Variants in PTPRG observed in about 807,000 individuals in gnomAD.
The protein encoded by PTPRG is receptor-type tyrosine-protein phosphatase gamma.
A neutral mutation model predicts 165.3 loss-of-function variants in PTPRG; 102 were observed. That is an observed-to-expected ratio of 0.62 (90% CI 0.53 to 0.73). The LOEUF (loss-of-function observed/expected upper bound fraction) is 0.73. Ranked by LOEUF, PTPRG falls within the 30% of genes least tolerant of loss-of-function variation. The pLI is 0.00. For missense variants in PTPRG, 1,866 were observed against 1,861.4 expected (o/e 1.00, Z -0.05); for synonymous variants, 675 against 669.5 (o/e 1.01, Z -0.13).
chr3:62,212,678 T>C (rs1700390387), intron 12 of PTPRG, among the ~76,000 whole-genome samples: 1 of 152,190 alleles, frequency 6.6e-6, no homozygotes, highest in Non-Finnish European at 1.5e-5. Context: ...TAGTGACGAC[T>C]GTGGCAAACC....
chr3:62,147,261 G>A (rs1034854248), intron 6 of PTPRG, among the ~76,000 whole-genome samples: 1 of 152,178 alleles, frequency 6.6e-6, no homozygotes, highest in African/African-American at 2.4e-5. Flanking sequence ...GAGTCTTGGG[G>A]TGCAGGTCAG....
intron 2 of PTPRG, among the ~76,000 whole-genome samples, chr3:61,887,155 TATATA>T (rs1559670206): frequency 3.4e-5 from 2 of 58,390 alleles, no homozygotes; most frequent in African/African-American, 7.6e-5. Flanking sequence ...TATATATATA[TATATA>T]TATATATATA....
In PTPRG at chr3:62,228,056, G is replaced by A. The variant is rs1700806121; in HGVS notation, c.2289-3169G>A. Among the ~76,000 whole-genome samples, 1 of 152,098 alleles carries A rather than the reference G, an allele frequency of 6.6e-6. No individual in the cohort carries two copies. The highest frequency in any genetic ancestry group is 1.5e-5 in the Non-Finnish European group (1 of 68,030). The stretch of plus-strand genomic sequence containing the variant: ...CTGCCCTCCCCGCTATTCCCTGCCT[G>A]TTTGGCCCCTGTGGGTGGTTGATTT... On this transcript the variant is annotated intron_variant, in intron 13 of 29. Coordinates refer to ENST00000474889, the MANE Select transcript of PTPRG (RefSeq NM_002841.4). This position sits in a 1 kb window ranked among gnomAD's most constrained non-coding sequence, Gnocchi z 4.1.
chr3:61,905,425 C>G (rs1193112693), intron 2 of PTPRG, among the ~76,000 whole-genome samples: 1 of 152,164 alleles, frequency 6.6e-6, no homozygotes, highest in Non-Finnish European at 1.5e-5. Context: ...CCCCTTCCAT[C>G]TTTTGACACT....
intron 9 of PTPRG, among the ~76,000 whole-genome samples, chr3:62,191,892 C>T (rs574909658): frequency 1.4e-3 from 213 of 152,328 alleles, no homozygotes; most frequent in African/African-American, 4.9e-3. Flanking sequence ...AGAGCCGGTT[C>T]ATTTCTTTAG....
rs532356516 is a variant in PTPRG, at chr3:61,866,582, C to CTTTTTTTTTTTTTTTTTTTTTTTTT, written c.190+117612_190+117636dup. 1.0e-4 allele frequency among the ~76,000 whole-genome samples: 7 copies of CTTTTTTTTTTTTTTTTTTTTTTTTT among 69,066 alleles called. 1 individual carries two copies. Among genetic ancestry groups the CTTTTTTTTTTTTTTTTTTTTTTTTT allele is most frequent in the African/African-American group, 2.1e-4 (5 of 23,424 alleles). The allele number at this position is 69,066 out of a possible 152,430, so 45.3% of individuals were successfully genotyped here. ...TTCCCTGGCTTTGGAACTGTTTGCTCTTTTTTTTTTTTTTTTTTTTTTTTT... is the reference window on the plus strand; with the variant it reads ...TTCCCTGGCTTTGGAACTGTTTGCTCTTTTTTTTTTTTTTTTTTTTTTTTTTTTTTTTTTTTTTTTTTTTTTTTTT... On this transcript the variant is annotated intron_variant, in intron 2 of 29. Coordinates refer to ENST00000474889, the MANE Select transcript of PTPRG (RefSeq NM_002841.4).
At chr3:61,920,418 A>G (rs970780601) in intron 2 of PTPRG, among the ~76,000 whole-genome samples, 1 of 152,088 alleles carries the variant, frequency 6.6e-6, no homozygotes, top group Non-Finnish European at 1.5e-5. Flanking sequence ...TATTTTTGAG[A>G]CGGAGTCTTG....
At chr3:62,024,255 C>A (rs1334961328) in intron 4 of PTPRG, among the ~76,000 whole-genome samples, 28 of 152,028 alleles carry the variant, frequency 1.8e-4, no homozygotes, top group Admixed American at 1.8e-3. Flanking sequence ...TAATTCAGTG[C>A]TTTGGTTTAA....
intron 1 of PTPRG, among the ~76,000 whole-genome samples, chr3:61,563,940 A>G (rs1575503614): frequency 1.3e-5 from 2 of 151,114 alleles, no homozygotes; most frequent in Non-Finnish European, 1.5e-5. Context: ...CTGCCCGCGG[A>G]GCGGCACGGA....
chr3:61,942,955 G>C (rs750210539), intron 2 of PTPRG, among the ~76,000 whole-genome samples: 2 of 152,182 alleles, frequency 1.3e-5, no homozygotes, highest in African/African-American at 4.8e-5. Flanking sequence ...TTCTCCCTAG[G>C]ATATGCAGGC....
chr3:61,873,030 T>C (rs1354324126), intron 2 of PTPRG, among the ~76,000 whole-genome samples: 1 of 152,216 alleles, frequency 6.6e-6, no homozygotes, highest in Non-Finnish European at 1.5e-5. Context: ...TGATTCTTTT[T>C]CTTTTTTTTT....
intron 5 of PTPRG, among the ~76,000 whole-genome samples, chr3:62,096,781 TG>T (rs1355351557): frequency 1.4e-4 from 22 of 152,330 alleles, no homozygotes; most frequent in African/African-American, 5.3e-4. Flanking sequence ...GACAGATTGA[TG>T]ACCAGGCTGA....
rs1576241234 is a variant in PTPRG, at chr3:62,297,296, A to C, written c.*3989A>C. 6.6e-6 allele frequency: 1 copy of C among 152,094 alleles called. No homozygotes were observed. Among genetic ancestry groups the C allele is most frequent in the Non-Finnish European group, 1.5e-5 (1 of 67,928 alleles). The allele number at this position is 152,094 out of a possible 1,614,324, so 9.4% of individuals were successfully genotyped here. On this transcript the variant is annotated 3_prime_UTR_variant, in exon 30 of 30. Coordinates refer to ENST00000474889, the MANE Select transcript of PTPRG (RefSeq NM_002841.4). ...TTGAAGTAGCAAAAACCATCTTTAC[A>C]TTCCAAAAGAATCCAACATGTGTTA...
intron 13 of PTPRG, among the ~76,000 whole-genome samples, chr3:62,227,244 C>T (rs1464503076): frequency 6.6e-6 from 1 of 152,194 alleles, no homozygotes; most frequent in Non-Finnish European, 1.5e-5. Context: ...CTTCACCCAT[C>T]TGCTCTAGCG....
intron 2 of PTPRG, among the ~76,000 whole-genome samples, chr3:61,972,710 T>C (rs1469007834): frequency 6.6e-6 from 1 of 151,084 alleles, no homozygotes. Context: ...TGGGGTACAG[T>C]CGCAGAATCA....
At chr3:61,678,180 C>T (rs1056835587) in intron 1 of PTPRG, among the ~76,000 whole-genome samples, 4 of 152,094 alleles carry the variant, frequency 2.6e-5, no homozygotes, top group East Asian at 1.9e-4. Context: ...GCTGCCCTCC[C>T]GCAATCCAAA....
chr3:61,903,663 C>G (rs781616021), intron 2 of PTPRG, among the ~76,000 whole-genome samples: 2 of 152,132 alleles, frequency 1.3e-5, no homozygotes, highest in Non-Finnish European at 2.9e-5. Flanking sequence ...CGTGAGCCAC[C>G]GTGCCCGGGC....
intron 14 of PTPRG, among the ~76,000 whole-genome samples, chr3:62,235,392 T>C (rs1488301927): frequency 6.6e-6 from 1 of 152,148 alleles, no homozygotes; most frequent in Non-Finnish European, 1.5e-5. Flanking sequence ...TCTTGGGAAG[T>C]CCTGTCCAGG....
rs138885055 is a variant in PTPRG at position 61,952,406 on chromosome 3, C to G, written c.191-37219C>G. On this transcript the variant is annotated intron_variant, in intron 2 of 29. Transcript: ENST00000474889. ...ATAAAGGGGTTGAACCACTGTCATT[C>G]ATTAAATTCATTAACTGTTGGAATT... Among the ~76,000 whole-genome samples, 473 of 152,246 alleles carry G rather than the reference C, an allele frequency of 3.1e-3. 1 individual carries two copies. The highest frequency in any genetic ancestry group is 0.011 in the African/African-American group (453 of 41,546).
Sources: gnomAD v4.1 joint callset for allele counts (sites outside exome capture counted in the v4.1 genomes callset) on GRCh38, gnomAD v4.1.1 for gene constraint, Gnocchi (gnomAD v3.1) non-coding constraint, MANE v1.5 for transcripts, NCBI Gene and HGNC (gene_info 2026-07-23, HGNC 2026-07-21) for gene names.